Variants in DNAJA3 observed in about 807,000 individuals in gnomAD.
The protein encoded by DNAJA3 is DnaJ heat shock protein family (Hsp40) member A3, also known as dnaJ homolog subfamily A member 3, mitochondrial.
Under a neutral mutation model 54.9 loss-of-function variants are expected in DNAJA3, and 29 were observed. The observed-to-expected ratio is 0.53, with a 90% confidence interval of 0.39 to 0.72. DNAJA3 has a LOEUF of 0.72. DNAJA3 is among the 30% of genes least tolerant of loss of function. DNAJA3 has a pLI of 0.00. For synonymous variants in DNAJA3, 302 were observed against 251.4 expected (o/e 1.20, Z -1.90); for missense variants, 708 against 639.4 (o/e 1.11, Z -1.16).
At chr16:4,429,834 CA>C (rs113915084) in intron 1 of DNAJA3, among the ~76,000 whole-genome samples, 6,229 of 140,206 alleles carry the variant, frequency 0.044, 170 homozygotes, top group Admixed American at 0.11. Context: ...AACTGTGTCT[CA>C]AAAAAAAAAA....
At chr16:4,438,114 A>G (rs1309681482) in intron 3 of DNAJA3, among the ~76,000 whole-genome samples, 1 of 152,134 alleles carries the variant, frequency 6.6e-6, no homozygotes, top group African/African-American at 2.4e-5. Context: ...CAGGAGATCG[A>G]GACCATCCCG....
chr16:4,437,309 G>C, intron 2 of DNAJA3, 93 bp from the exon 3 acceptor site: 1 of 1,032,550 alleles, frequency 9.7e-7, no homozygotes, highest in East Asian at 2.5e-5. Flanking sequence ...ATTATGACTG[G>C]TATTTGGGGT....
intron 8 of DNAJA3, chr16:4,447,755 A>C (rs935689470): frequency 6.6e-6 from 1 of 151,360 alleles, no homozygotes; most frequent in Non-Finnish European, 1.5e-5. Flanking sequence ...GGCAGACCCA[A>C]CTTAGCTCAT....
At chr16:4,447,046 C>T (rs1392556304) in intron 8 of DNAJA3, 32 bp downstream of exon 8, 2 of 1,600,796 alleles carry the variant, frequency 1.2e-6, no homozygotes, top group African/African-American at 2.7e-5. Context: ...TTTGTCACCC[C>T]TGTACTTTAT....
At chr16:4,450,535 C>A (rs1382976902) in intron 10 of DNAJA3, 38 bp downstream of exon 10, 4 of 1,488,302 alleles carry the variant, frequency 2.7e-6, no homozygotes, top group Non-Finnish European at 3.7e-6. Context: ...CACGTGGGGG[C>A]CTCAGAGCCC....
chr16:4,439,864 C>T (rs570237515), intron 3 of DNAJA3, among the ~76,000 whole-genome samples: 1 of 152,142 alleles, frequency 6.6e-6, no homozygotes, highest in Non-Finnish European at 1.5e-5. Context: ...CTTTCTTAGT[C>T]CCCCTCCATT....
At chr16:4,432,036 A>G (rs186815632) in intron 1 of DNAJA3, among the ~76,000 whole-genome samples, 114 of 151,642 alleles carry the variant, frequency 7.5e-4, no homozygotes, top group African/African-American at 2.7e-3. Flanking sequence ...AACCACCACT[A>G]CCACCACTGC....
rs946466425 is a variant in DNAJA3, at chr16:4,449,812, CT to C, written c.1242-575del. 4.1e-3 allele frequency: 588 copies of C among 144,194 alleles called. 3 individuals carry two copies. Among genetic ancestry groups the C allele is most frequent in the African/African-American group, 8.9e-3 (354 of 39,608 alleles). The allele number at this position is 144,194 out of a possible 1,614,324, so 8.9% of individuals were successfully genotyped here. ...ATGCTTTTTGTTAATTAGATAATTT[CT>C]TTTTTTTTTTTTGAGATGGTGTCTA... is the stretch of plus-strand genomic sequence containing the variant. On this transcript the variant is annotated intron_variant, in intron 9 of 11. Transcript: ENST00000262375.
intron 8 of DNAJA3, among the ~76,000 whole-genome samples, chr16:4,448,151 T>A (rs1381330935): frequency 6.9e-6 from 1 of 145,292 alleles, no homozygotes; most frequent in African/African-American, 2.5e-5. Context: ...CTCAGCCTCC[T>A]GAGTACCTGG....
intron 8 of DNAJA3, 27 bp downstream of exon 8, chr16:4,447,041 C>T (rs756874933): frequency 2.5e-6 from 4 of 1,602,592 alleles, no homozygotes; most frequent in Non-Finnish European, 3.4e-6. Context: ...ACACCTTTGT[C>T]ACCCCTGTAC....
intron 1 of DNAJA3, among the ~76,000 whole-genome samples, chr16:4,426,548 A>G (rs2056625909): frequency 6.6e-6 from 1 of 152,228 alleles, no homozygotes; most frequent in Non-Finnish European, 1.5e-5. Flanking sequence ...GACCAGCCCA[A>G]GGTCATGGAG....
Position 4,450,446 on chromosome 16 carries a change from G to C in DNAJA3, c.1288G>C (p.Asp430His). ...QQSLILSYAE[D>H]ETDVEGTVNG... Reference sequence around the variant, plus strand: ...GAGCCTGATCCTGAGCTACGCCGAGGACGAGACAGATGTGGAGGGGACGGT... The same window carrying C: ...GAGCCTGATCCTGAGCTACGCCGAGCACGAGACAGATGTGGAGGGGACGGT... The change falls in exon 10 of 12, where the codon GAC becomes CAC. Residue 430 changes from aspartate (D) to histidine (H), a missense_variant. Physicochemically the swap from Asp to His is moderately conservative, Grantham distance 81. Transcript: ENST00000262375. 1 of 1,612,474 alleles carries C rather than the reference G, an allele frequency of 6.2e-7. No homozygotes were observed. Among genetic ancestry groups the C allele is most frequent in the Non-Finnish European group, 8.5e-7 (1 of 1,179,502 alleles).
At chr16:4,427,833 T>G (rs1257240824) in intron 1 of DNAJA3, among the ~76,000 whole-genome samples, 1 of 151,998 alleles carries the variant, frequency 6.6e-6, no homozygotes, top group Non-Finnish European at 1.5e-5. Context: ...CACACCCAGC[T>G]AGTTTTCTGT....
chr16:4,444,854 C>A, intron 7 of DNAJA3, 126 bp downstream of exon 7: 1 of 798,142 alleles, frequency 1.3e-6, no homozygotes, highest in South Asian at 1.7e-5. Flanking sequence ...TTCTGAGGGG[C>A]ACAGTGGCCA....
intron 9 of DNAJA3, among the ~76,000 whole-genome samples, chr16:4,449,078 C>T (rs1467761773): frequency 6.6e-6 from 1 of 152,162 alleles, no homozygotes; most frequent in East Asian, 1.9e-4. Context: ...CTCACTGCAA[C>T]CTCCGCTTCC....
At chr16:4,435,302 G>A (rs780537271) in intron 2 of DNAJA3, among the ~76,000 whole-genome samples, 4 of 151,984 alleles carry the variant, frequency 2.6e-5, no homozygotes, top group Non-Finnish European at 5.9e-5. Context: ...TACACCACTG[G>A]TTCCTAGACC....
chr16:4,432,544 G>T (rs1262804465), intron 1 of DNAJA3, among the ~76,000 whole-genome samples: 1 of 151,762 alleles, frequency 6.6e-6, no homozygotes, highest in East Asian at 2.0e-4. Flanking sequence ...GTTTCTCCAT[G>T]TTGGTCAGGC....
chr16:4,428,793 T>C (rs916520831), intron 1 of DNAJA3, among the ~76,000 whole-genome samples: 5 of 151,976 alleles, frequency 3.3e-5, no homozygotes, highest in Admixed American at 6.6e-5. Context: ...ATTCCAGCGC[T>C]ATGCTGGCGC....
chr16:4,438,860 C>T (rs1249930354), intron 3 of DNAJA3, among the ~76,000 whole-genome samples: 4 of 151,972 alleles, frequency 2.6e-5, no homozygotes, highest in South Asian at 4.1e-4. Flanking sequence ...AGAACAGGCT[C>T]AACTCAGTAA....
Sources: allele counts gnomAD v4.1 joint callset (sites outside exome capture counted in the v4.1 genomes callset), GRCh38; gene constraint gnomAD v4.1.1; transcripts MANE v1.5; gene names NCBI Gene and HGNC (gene_info 2026-07-23, HGNC 2026-07-21).